Variants in FUT8 observed in about 807,000 individuals in gnomAD.
FUT8 encodes the protein alpha-(1,6)-fucosyltransferase.
In FUT8, 29 loss-of-function variants were observed where a neutral mutation model predicts 71.3. That is an observed-to-expected ratio of 0.41 (90% CI 0.30 to 0.55). The LOEUF is 0.55. FUT8 is among the 20% of genes least tolerant of loss of function. The pLI is 0.34. For missense variants in FUT8, 544 were observed against 702.1 expected, an observed-to-expected ratio of 0.77 and a Z score of 2.55; for synonymous variants, 254 against 239.3, an observed-to-expected ratio of 1.06 and a Z score of -0.57.
At chr14:65,681,071 G>A (rs76681540) in intron 7 of FUT8, among the ~76,000 whole-genome samples, 28 of 152,224 alleles carry the variant, frequency 1.8e-4, no homozygotes, top group African/African-American at 6.5e-4. Flanking sequence ...TTCCCTTTGT[G>A]ATATTTCCCT....
At chr14:65,359,722 C>T in the FUT8 span, among the ~76,000 whole-genome samples, 8 of 152,150 alleles carry the variant, frequency 5.3e-5, no homozygotes, top group Non-Finnish European at 1.0e-4. Context: ...TTTATTTATC[C>T]ATTCATCTGT....
chr14:65,505,942 T>A (rs1004913017), intron 2 of FUT8, among the ~76,000 whole-genome samples: 9 of 152,178 alleles, frequency 5.9e-5, no homozygotes, highest in Non-Finnish European at 1.2e-4. Context: ...AACAAAATTA[T>A]TAATAATTCC....
intron 3 of FUT8, among the ~76,000 whole-genome samples, chr14:65,565,449 G>A (rs887293338): frequency 6.6e-6 from 1 of 151,694 alleles, no homozygotes; most frequent in African/African-American, 2.4e-5. Flanking sequence ...GGGCAGTTGT[G>A]AACAAAGTCA....
chr14:65,553,095 A>G lies in FUT8; in HGVS notation c.-227-8242A>G, dbSNP rs368466925. Among the ~76,000 whole-genome samples the G allele has an allele frequency of 4.5e-4, 69 of 152,306 alleles. 1 individual carries two copies. In the East Asian group the frequency reaches 0.013, roughly 29 times the overall value. The stretch of plus-strand genomic sequence containing the variant: ...CTCAGCCTCCCAAGGAGCTGGGACT[A>G]TAGGCGTGCACCACCAGTTTTAATT... On this transcript the variant is annotated intron_variant, in intron 2 of 10. Coordinates refer to ENST00000673929, the MANE Select transcript of FUT8 (RefSeq NM_001371533.1).
intron 7 of FUT8, among the ~76,000 whole-genome samples, chr14:65,684,557 C>G (rs1482470371): frequency 6.6e-6 from 1 of 152,188 alleles, no homozygotes; most frequent in African/African-American, 2.4e-5. Context: ...GGCAAACTAG[C>G]ATTTTAAAGC....
intron 3 of FUT8, among the ~76,000 whole-genome samples, chr14:65,602,236 T>C (rs1888325444): frequency 6.8e-6 from 1 of 147,980 alleles, no homozygotes; most frequent in East Asian, 2.0e-4. Context: ...TGTTTGGTTT[T>C]CCATTTCTGA....
intron 7 of FUT8, among the ~76,000 whole-genome samples, chr14:65,715,490 T>G (rs1895008977): frequency 6.6e-6 from 1 of 152,214 alleles, no homozygotes; most frequent in Non-Finnish European, 1.5e-5. Flanking sequence ...ATTCTTCTCT[T>G]TTACTAATTT....
intron 3 of FUT8, among the ~76,000 whole-genome samples, chr14:65,602,543 G>T (rs763481989): frequency 6.6e-6 from 1 of 151,196 alleles, no homozygotes; most frequent in Non-Finnish European, 1.5e-5. Flanking sequence ...ACCAGTAGTG[G>T]GATTGCTGGA....
rs1208494040 is a variant in FUT8 at position 65,638,953 on chromosome 14, C to A, written c.597+9347C>A. 5.3e-5 allele frequency among the ~76,000 whole-genome samples: 8 copies of A among 152,088 alleles called. No homozygotes were observed. The highest frequency in any genetic ancestry group is 1.2e-4 in the Non-Finnish European group (8 of 67,998). ...TAAAATATTTGCTAAATATTTAATA[C>A]AACTGGGATGGGCAGAAACCTTCAG... On this transcript the variant is annotated intron_variant, in intron 6 of 10. Transcript: ENST00000673929. This position sits in a 1 kb window ranked among gnomAD's most constrained non-coding sequence, Gnocchi z 4.5.
At chr14:65,435,951 C>T (rs1436111694) in intron 1 of FUT8, among the ~76,000 whole-genome samples, 2 of 125,368 alleles carry the variant, frequency 1.6e-5, no homozygotes, top group African/African-American at 3.0e-5. Context: ...CTTTAAAAGA[C>T]AGAGTCTTGC....
At chr14:65,617,777 C>T (rs140147903) in intron 5 of FUT8, among the ~76,000 whole-genome samples, 3,805 of 151,828 alleles carry the variant, frequency 0.025, 154 homozygotes, top group African/African-American at 0.087. Flanking sequence ...AACCCCGTCT[C>T]TACCAAAAAT....
rs576281078 is a variant in FUT8, at chr14:65,719,241, A to G, written c.836-2534A>G. On this transcript the variant is annotated intron_variant, in intron 7 of 10. Transcript: ENST00000673929. Reference sequence around the variant, plus strand: ...TTCTTTCTTCTGCTTGATGACTTCTATTAAGAGACTCAGTATGTCAGCTGC... The same window carrying G: ...TTCTTTCTTCTGCTTGATGACTTCTGTTAAGAGACTCAGTATGTCAGCTGC... Among the ~76,000 whole-genome samples, 19 of 152,032 alleles carry G rather than the reference A, an allele frequency of 1.2e-4. 1 individual carries two copies. The highest frequency in any genetic ancestry group is 1.9e-4 in the East Asian group (1 of 5,140).
At chr14:65,421,194 G>GAAA (rs61617981) in intron 1 of FUT8, among the ~76,000 whole-genome samples, 6 of 94,828 alleles carry the variant, frequency 6.3e-5, no homozygotes, top group African/African-American at 1.6e-4. Context: ...TCCATCTCAG[G>GAAA]AAAAAAAAAA....
intron 10 of FUT8, among the ~76,000 whole-genome samples, chr14:65,737,124 C>T (rs545207758): frequency 2.6e-5 from 4 of 152,226 alleles, no homozygotes; most frequent in Admixed American, 2.6e-4. Flanking sequence ...CTATCTCCCT[C>T]AGTCTCAGGA....
intron 1 of FUT8, among the ~76,000 whole-genome samples, chr14:65,455,065 G>A (rs186843059): frequency 3.9e-5 from 6 of 152,126 alleles, no homozygotes; most frequent in Non-Finnish European, 1.5e-5. Context: ...GATTGATAAA[G>A]GAGAAAAAAA....
intron 2 of FUT8, among the ~76,000 whole-genome samples, chr14:65,492,054 A>G (rs1217735298): frequency 1.3e-5 from 2 of 152,194 alleles, no homozygotes; most frequent in African/African-American, 4.8e-5. Flanking sequence ...TGAATTAGTT[A>G]CTTGGACTTG....
At chr14:65,690,003 T>G (rs1175092148) in intron 7 of FUT8, among the ~76,000 whole-genome samples, 1 of 152,260 alleles carries the variant, frequency 6.6e-6, no homozygotes, top group African/African-American at 2.4e-5. Context: ...TACATTTAGG[T>G]CTGTGATCCA....
chr14:65,517,609 G>A (rs900743532), intron 2 of FUT8, among the ~76,000 whole-genome samples: 1 of 152,266 alleles, frequency 6.6e-6, no homozygotes, highest in African/African-American at 2.4e-5. Flanking sequence ...GAATTTTGGG[G>A]TGATCATATC....
At chr14:65,568,563 A>C (rs919441684) in intron 3 of FUT8, among the ~76,000 whole-genome samples, 1 of 151,390 alleles carries the variant, frequency 6.6e-6, no homozygotes. Context: ...GTTGTTACTT[A>C]ATTTCCAAAT....
Sources: allele counts gnomAD v4.1 joint callset (sites outside exome capture counted in the v4.1 genomes callset), GRCh38; gene constraint gnomAD v4.1.1; non-coding constraint Gnocchi (gnomAD v3.1); transcripts MANE v1.5; gene names NCBI Gene and HGNC (gene_info 2026-07-23, HGNC 2026-07-21).